Variants in SERAC1 observed in about 807,000 individuals in gnomAD.
SERAC1 encodes the protein serine active site containing 1.
In SERAC1, 36 loss-of-function variants were observed where a neutral mutation model predicts 85.7. The observed-to-expected ratio is 0.42, with a 90% CI of 0.32 to 0.55. The LOEUF (loss-of-function observed/expected upper bound fraction) is 0.55. Ranked by LOEUF, SERAC1 falls within the 20% of genes least tolerant of loss-of-function variation. SERAC1 has a pLI of 0.11. For missense variants in SERAC1, 629 were observed against 796.2 expected, an observed-to-expected ratio of 0.79 and a Z score of 2.53; for synonymous variants, 242 against 265.3, an observed-to-expected ratio of 0.91 and a Z score of 0.85.
chr6:158,137,364 TG>T (rs1784817830), intron 8 of SERAC1, among the ~76,000 whole-genome samples: 1 of 109,198 alleles, frequency 9.2e-6, no homozygotes, highest in Admixed American at 7.8e-5. Context: ...AAGCATTCGT[TG>T]TTTTTTGTTT....
chr6:158,130,554 A>AG lies in SERAC1; in HGVS notation c.739-69dup, dbSNP rs570073344. ...TAATATTTTTGTTTGACAAAAAAAA[A>AG]GAAATCTCTGTACTAATAGATGGTG... On this transcript the variant is annotated intron_variant, in intron 8 of 16. Transcript: ENST00000647468. 2.1e-4 allele frequency: 193 copies of AG among 936,328 alleles called. No homozygotes were observed. In the African/African-American group the frequency reaches 3.0e-3, roughly 15 times the overall value. 58.0% of individuals were successfully genotyped at this position (936,328 alleles called of 1,614,324 possible).
intron 6 of SERAC1, among the ~76,000 whole-genome samples, chr6:158,145,611 C>T (rs1448946368): frequency 6.7e-6 from 1 of 150,180 alleles, no homozygotes; most frequent in Admixed American, 6.7e-5. Flanking sequence ...AACTCCACCT[C>T]GTGGGTTCGC....
rs6933878 is a variant in SERAC1, at chr6:158,150,674, G to C, written c.129-85C>G. ...ACTCTTCTCTATTAAGCTTGTCATA[G>C]TAAACTTCTTTTTTGTTGGGAAACA... On this transcript the variant is annotated intron_variant, in intron 3 of 16. Coordinates refer to ENST00000647468, the MANE Select transcript of SERAC1 (RefSeq NM_032861.4). 0.23 allele frequency: 222,599 copies of C among 984,882 alleles called. 25,891 individuals carry two copies. Among genetic ancestry groups the C allele is most frequent in the East Asian group, 0.3 (12,680 of 41,766 alleles). 61.0% of individuals were successfully genotyped at this position (984,882 alleles called of 1,614,324 possible). A position where few individuals can be genotyped will look rare whatever the true frequency, so the allele number is the denominator to read the frequency against.
At chr6:158,145,053 G>A (rs1327166012) in intron 6 of SERAC1, among the ~76,000 whole-genome samples, 1 of 152,130 alleles carries the variant, frequency 6.6e-6, no homozygotes, top group Non-Finnish European at 1.5e-5. Flanking sequence ...AGACCAGCCT[G>A]GCCAACATGG....
chr6:158,143,341 CTCTCTCTATATATATA>C (rs749826750), intron 7 of SERAC1, among the ~76,000 whole-genome samples, 157 bp from the exon 8 acceptor site: 2,200 of 26,026 alleles, frequency 0.085, 21 homozygotes, highest in East Asian at 0.23. Flanking sequence ...CTCTCTCTCT[CTCTCTCTATATATATA>C]TATATATATA....
intron 10 of SERAC1, among the ~76,000 whole-genome samples, chr6:158,127,416 G>T (rs1784571648): frequency 2.3e-5 from 1 of 42,858 alleles, no homozygotes; most frequent in Admixed American, 2.7e-4. Flanking sequence ...CGTCCGGGAG[G>T]TGAGGGGCGC....
At chr6:158,166,685 G>C (rs1394826698) in intron 1 of SERAC1, among the ~76,000 whole-genome samples, 2 of 152,068 alleles carry the variant, frequency 1.3e-5, no homozygotes, top group African/African-American at 4.8e-5. Flanking sequence ...ACAATTTTCT[G>C]TCTAAAGGAC....
chr6:158,143,019 A>G (rs1195196024), intron 8 of SERAC1, 37 bp downstream of exon 8: 2 of 1,537,804 alleles, frequency 1.3e-6, no homozygotes, highest in Non-Finnish European at 1.8e-6. Context: ...AAGGGTGGAC[A>G]CTCAAAAATA....
chr6:158,128,302 A>G lies in SERAC1; in HGVS notation c.853-32T>C, dbSNP rs768525051. The G allele has an allele frequency of 5.0e-6, 8 of 1,608,788 alleles. 1 individual carries two copies. Among genetic ancestry groups the G allele is most frequent in the Non-Finnish European group, 6.8e-6 (8 of 1,177,438 alleles). On this transcript the variant is annotated intron_variant, in intron 9 of 16. Transcript: ENST00000647468. ...CAATAAATAAACAGAAGCTCCCTTG[A>G]CATTGTACAAATTCATGACGTGAGA... is the stretch of plus-strand genomic sequence containing the variant.
At chr6:158,114,460 T>G (rs1428046054) in intron 15 of SERAC1, 4 of 1,094,624 alleles carry the variant, frequency 3.7e-6, no homozygotes, top group Non-Finnish European at 4.5e-6. Flanking sequence ...TAACAGTTGA[T>G]GATTCTCCAC....
chr6:158,135,362 T>C (rs1465901726), intron 8 of SERAC1, among the ~76,000 whole-genome samples: 1 of 152,084 alleles, frequency 6.6e-6, no homozygotes, highest in East Asian at 1.9e-4. Context: ...TGACATCCCG[T>C]CTCTACTAAA....
rs1197952016 is a variant in SERAC1, at chr6:158,148,885, A to G, written c.335T>C (p.Ile112Thr). ...TTTACCAGCAAATGGATTCCGCAGT[A>G]TCTTGGCTGATGTTGCCAATACTTT... ...VRKVLATSAKILRNPFADPFS... is the reference protein window; with the variant it reads ...VRKVLATSAKTLRNPFADPFS... Residue 112 changes from isoleucine to threonine, a missense_variant, in exon 5 of 17, where the codon ATA becomes ACA. Ile to Thr is a moderately conservative substitution (Grantham distance 89). Transcript: ENST00000647468. 6.2e-7 allele frequency: 1 copy of G among 1,611,924 alleles called. No homozygotes were observed. Among genetic ancestry groups the G allele is most frequent in the Non-Finnish European group, 8.5e-7 (1 of 1,179,026 alleles).
chr6:158,133,425 G>A (rs1458598919), intron 8 of SERAC1, among the ~76,000 whole-genome samples: 6 of 114,488 alleles, frequency 5.2e-5, no homozygotes, highest in Middle Eastern at 7.4e-3. Context: ...TCTCTCTGTC[G>A]CCCAGGCTGG....
chr6:158,144,231 C>T, intron 7 of SERAC1, 68 bp downstream of exon 7: 3 of 1,264,400 alleles, frequency 2.4e-6, no homozygotes, highest in Non-Finnish European at 3.3e-6. Context: ...TGTTTTGTAC[C>T]CCAAGTGAAG....
In SERAC1 at chr6:158,163,725, G is replaced by GC. The variant is rs1785535357; in HGVS notation, c.-2+4414_-2+4415insG. On this transcript the variant is annotated intron_variant, in intron 1 of 16. Transcript: ENST00000647468. ...ACACTGCACTGTTTAGATTATGTAG[G>GC]TTTTTTGTTGTTTTTTGTTTTCTTT... is the stretch of plus-strand genomic sequence containing the variant. Among the ~76,000 whole-genome samples the GC allele has an allele frequency of 5.0e-5, 6 of 120,046 alleles. No individual in the cohort carries two copies. In the South Asian group the frequency reaches 1.3e-3, roughly 26 times the overall value. 78.8% of individuals were successfully genotyped at this position (120,046 alleles called of 152,430 possible). A position where few individuals can be genotyped will look rare whatever the true frequency, so the allele number is the denominator to read the frequency against.
Position 158,120,847 on chromosome 6 carries a change from A to G in SERAC1, c.1016-272T>C, listed in dbSNP as rs1784403229. On this transcript the variant is annotated intron_variant, in intron 10 of 16. Transcript: ENST00000647468. This position sits in a 1 kb window ranked among gnomAD's most constrained non-coding sequence, Gnocchi z 4.4. ...TTTAGAAAGCCTAACACTAATACCA[A>G]TTATAGAGGTGTTCATAGCAGTTAT... Among the ~76,000 whole-genome samples the G allele has an allele frequency of 6.6e-6, 1 of 152,172 alleles. No individual in the cohort carries two copies. Among genetic ancestry groups the G allele is most frequent in the Non-Finnish European group, 1.5e-5 (1 of 68,024 alleles).
chr6:158,154,958 G>A (rs374635566), intron 3 of SERAC1, among the ~76,000 whole-genome samples: 3 of 151,962 alleles, frequency 2.0e-5, no homozygotes, highest in Non-Finnish European at 2.9e-5. Context: ...ATTTAAGTGC[G>A]CCGGAGCTGA....
At chr6:158,114,526 CATT>C (rs1396913819) in intron 15 of SERAC1, 25 of 1,202,504 alleles carry the variant, frequency 2.1e-5, no homozygotes, top group Admixed American at 7.9e-5. Flanking sequence ...AAAAGCAAAA[CATT>C]ATCTGATTAT....
intron 9 of SERAC1, among the ~76,000 whole-genome samples, chr6:158,130,040 G>A (rs1307112373): frequency 1.3e-5 from 2 of 152,102 alleles, no homozygotes; most frequent in African/African-American, 2.4e-5. Flanking sequence ...TTGTTTTAAT[G>A]GAAATTATCT....
Sources: gnomAD v4.1 joint callset for allele counts (sites outside exome capture counted in the v4.1 genomes callset) on GRCh38, gnomAD v4.1.1 for gene constraint, Gnocchi (gnomAD v3.1) non-coding constraint, MANE v1.5 for transcripts, NCBI Gene and HGNC (gene_info 2026-07-23, HGNC 2026-07-21) for gene names.